Variants in SMARCA5 observed in about 807,000 individuals in gnomAD.
The protein encoded by SMARCA5 is SWI/SNF-related matrix-associated actin-dependent regulator of chromatin subfamily A member 5.
Under a neutral mutation model 140.4 loss-of-function variants are expected in SMARCA5, and 18 were observed. The observed-to-expected ratio is 0.13, with a 90% confidence interval of 0.09 to 0.19. The LOEUF is 0.19. Ranked by LOEUF, SMARCA5 falls within the 10% of genes least tolerant of loss-of-function variation. The pLI, the probability that SMARCA5 is intolerant of heterozygous loss-of-function variation, is 1.00. For synonymous variants in SMARCA5, 449 were observed against 419.6 expected, an observed-to-expected ratio of 1.07 and a Z score of -0.86; for missense variants, 606 against 1,276.8, an observed-to-expected ratio of 0.47 and a Z score of 8.01.
At chr4:143,515,554 CAAACTTTGGA>C (rs1736811620) in intron 1 of SMARCA5, among the ~76,000 whole-genome samples, 1 of 152,110 alleles carries the variant, frequency 6.6e-6, no homozygotes, top group Non-Finnish European at 1.5e-5. Context: ...GTCTGCCATC[CAAACTTTGGA>C]AAAATGAATG....
chr4:143,536,381 T>TA, intron 10 of SMARCA5, 71 bp from the exon 11 acceptor site: 1 of 997,014 alleles, frequency 1.0e-6, no homozygotes, highest in Non-Finnish European at 1.6e-6. Context: ...GGAAGGGGAT[T>TA]AAGTATGTAA....
Position 143,539,129 on chromosome 4 carries a change from T to G in SMARCA5, c.1770+191T>G, listed in dbSNP as rs1377846179. 2.0e-5 allele frequency among the ~76,000 whole-genome samples: 3 copies of G among 152,270 alleles called. No homozygotes were observed. The East Asian group carries it at 5.8e-4, about 29-fold the overall frequency. ...TTCCATCTCAGGGATCTGCCATATC[T>G]TAGGACCCTGGAGTCCTCTGCTATA... On this transcript the variant is annotated intron_variant, in intron 13 of 23. Coordinates refer to ENST00000283131, the MANE Select transcript of SMARCA5 (RefSeq NM_003601.4).
At chr4:143,518,506 C>G (rs1736889705) in intron 2 of SMARCA5, among the ~76,000 whole-genome samples, 1 of 152,166 alleles carries the variant, frequency 6.6e-6, no homozygotes, top group Non-Finnish European at 1.5e-5. Context: ...AGAACAGTAT[C>G]TGGCACATAG....
At chr4:143,545,716 T>C in intron 18 of SMARCA5, 133 bp downstream of exon 18, 1 of 774,558 alleles carries the variant, frequency 1.3e-6, no homozygotes, top group Non-Finnish European at 2.2e-6. Context: ...TAGTTGTATG[T>C]ATGAAATACA....
At chr4:143,528,113 A>T in intron 7 of SMARCA5, 90 bp downstream of exon 7, 1 of 994,080 alleles carries the variant, frequency 1.0e-6, no homozygotes, top group Non-Finnish European at 1.4e-6. Flanking sequence ...GTTATGAGAT[A>T]CATGTGCAGA....
At chr4:143,517,161 T>C (rs1736858382) in intron 1 of SMARCA5, among the ~76,000 whole-genome samples, 194 bp from the exon 2 acceptor site, 2 of 152,224 alleles carry the variant, frequency 1.3e-5, no homozygotes, top group African/African-American at 4.8e-5. Context: ...ATGGGTTAAA[T>C]ACGTTGTTAT....
At chr4:143,526,172 G>A in intron 5 of SMARCA5, 109 bp from the exon 6 acceptor site, 1 of 894,894 alleles carries the variant, frequency 1.1e-6, no homozygotes, top group Non-Finnish European at 1.8e-6. Flanking sequence ...TTTATTAACT[G>A]TTATAAATAT....
chr4:143,544,751 G>A lies in SMARCA5; in HGVS notation c.2187G>A (p.Glu729=), dbSNP rs753437870. The A allele has an allele frequency of 3.1e-6, 5 of 1,605,516 alleles. No individual in the cohort carries two copies. In the Admixed American group the frequency reaches 8.4e-5, roughly 27 times the overall value. The change falls in exon 17 of 24, where the codon GAG becomes GAA. Residue 729 remains glutamate (E), a synonymous_variant. Coordinates refer to ENST00000283131, the MANE Select transcript of SMARCA5 (RefSeq NM_003601.4). ...CCATGTGCTAGATTGCATTCACAGA[G>A]TGGATTGAACCACCTAAACGAGAAA... ...YREKQKIAFT[E]WIEPPKRERK... is the part of the protein sequence containing the mutation.
chr4:143,553,027 AGTT>A, intron 23 of SMARCA5, 89 bp from the exon 24 acceptor site: 3 of 907,628 alleles, frequency 3.3e-6, no homozygotes, highest in Middle Eastern at 2.5e-4. Context: ...ACTTTGTAGT[AGTT>A]GTTATTACTA....
At chr4:143,532,388 G>A (rs1737207114) in intron 9 of SMARCA5, among the ~76,000 whole-genome samples, 2 of 151,964 alleles carry the variant, frequency 1.3e-5, no homozygotes, top group Non-Finnish European at 2.9e-5. Context: ...TAGTAAATAC[G>A]TAGGTACATC....
chr4:143,551,544 C>A (rs1737640418), intron 23 of SMARCA5, among the ~76,000 whole-genome samples: 1 of 152,036 alleles, frequency 6.6e-6, no homozygotes, highest in Non-Finnish European at 1.5e-5. Context: ...GACTTAAAGT[C>A]TTTAATACAT....
intron 17 of SMARCA5, among the ~76,000 whole-genome samples, 191 bp from the exon 18 acceptor site, chr4:143,545,279 T>C (rs1175250216): frequency 1.3e-5 from 2 of 152,182 alleles, no homozygotes; most frequent in African/African-American, 4.8e-5. Flanking sequence ...CTCTTCTGTT[T>C]TTAGTTAACA....
At position 143,555,462 on chromosome 4, in the gene SMARCA5, A is replaced by G; in HGVS notation, c.*2278A>G. ...TGTATAATAGTTTCTGTTCTGTGGA[A>G]AGTAAAGCATTCCAACACAGGGTTT... On this transcript the variant is annotated 3_prime_UTR_variant, in exon 24 of 24. Coordinates refer to ENST00000283131, the MANE Select transcript of SMARCA5 (RefSeq NM_003601.4). The G allele has an allele frequency of 1.9e-6, 1 of 537,728 alleles. No homozygotes were observed. The highest frequency in any genetic ancestry group is 1.9e-5 in the South Asian group (1 of 53,946). 33.3% of individuals were successfully genotyped at this position (537,728 alleles called of 1,614,324 possible).
At chr4:143,552,910 T>G (rs1412834335) in intron 23 of SMARCA5, among the ~76,000 whole-genome samples, 1 of 142,154 alleles carries the variant, frequency 7.0e-6, no homozygotes, top group African/African-American at 2.6e-5. Flanking sequence ...TTATTAACAT[T>G]AACATTTTTT....
At chr4:143,529,887 C>T (rs1263368787) in intron 8 of SMARCA5, among the ~76,000 whole-genome samples, 1 of 152,088 alleles carries the variant, frequency 6.6e-6, no homozygotes, top group Non-Finnish European at 1.5e-5. Flanking sequence ...ACTACATTGA[C>T]ACTTTCATTT....
Position 143,555,329 on chromosome 4 carries a change from C to G in SMARCA5, c.*2145C>G. 1.4e-6 allele frequency: 1 copy of G among 736,912 alleles called. No individual in the cohort carries two copies. The highest frequency in any genetic ancestry group is 2.5e-6 in the Non-Finnish European group (1 of 402,546). The allele number at this position is 736,912 out of a possible 1,614,324, so 45.6% of individuals were successfully genotyped here. A position where few individuals can be genotyped will look rare whatever the true frequency, so the allele number is the denominator to read the frequency against. On this transcript the variant is annotated 3_prime_UTR_variant, in exon 24 of 24. Transcript: ENST00000283131. ...ACCTCCAAAATTGCTTCAATCATTA[C>G]CAAATCTATTATAGCAATCCCCACT...
intron 9 of SMARCA5, among the ~76,000 whole-genome samples, chr4:143,533,010 G>A (rs1395697805): frequency 6.6e-6 from 1 of 152,142 alleles, no homozygotes; most frequent in Non-Finnish European, 1.5e-5. Flanking sequence ...AATTTGGTTT[G>A]TGATATAGTC....
intron 4 of SMARCA5, 114 bp from the exon 5 acceptor site, chr4:143,525,337 C>A (rs1186783160): frequency 2.8e-6 from 2 of 706,950 alleles, no homozygotes; most frequent in Middle Eastern, 2.4e-4. Flanking sequence ...AGTTCCTATT[C>A]AAGAATCCGT....
intron 14 of SMARCA5, among the ~76,000 whole-genome samples, chr4:143,542,512 C>T (rs1737448423): frequency 6.6e-6 from 1 of 152,150 alleles, no homozygotes; most frequent in South Asian, 2.1e-4. Flanking sequence ...GTGGATATCT[C>T]CTCACTTACA....
Sources: allele counts gnomAD v4.1 joint callset (sites outside exome capture counted in the v4.1 genomes callset), GRCh38; gene constraint gnomAD v4.1.1; transcripts MANE v1.5; gene names NCBI Gene and HGNC (gene_info 2026-07-23, HGNC 2026-07-21).